Variants in KAZN observed in about 807,000 individuals in gnomAD.
The protein encoded by KAZN is kazrin, periplakin interacting protein.
KAZN carries 40 observed loss-of-function variants against 87.4 expected under a neutral mutation model. That is an observed-to-expected ratio of 0.46 (90% confidence interval 0.36 to 0.60). KAZN has a LOEUF of 0.60. Among genes scored for constraint, KAZN ranks in the 20% least tolerant of loss-of-function variants. The probability of loss-of-function intolerance (pLI) is 0.00; values close to 1 mark genes in which losing one functional copy is unlikely to be tolerated. For synonymous variants in KAZN, 466 were observed against 458.3 expected (o/e 1.02, Z -0.22); for missense variants, 898 against 1,073.9 (o/e 0.84, Z 2.29).
At position 14,973,918 on chromosome 1, in the gene KAZN, C is replaced by G. The variant is rs574812888; in HGVS notation, c.418+13043C>G. Among the ~76,000 whole-genome samples the G allele has an allele frequency of 2.0e-5, 3 of 152,174 alleles. 1 individual carries two copies. The Middle Eastern group carries it at 0.01, about 518-fold the overall frequency. On this transcript the variant is annotated intron_variant, in intron 2 of 14. Transcript: ENST00000376030. ...CATAAAGCAACCACCGTTTTTCTTA[C>G]ATCTCATGATCTTGTGAATCAGGGA...
At chr1:14,234,099 CGT>C (rs1648139769) in intron 2 of KAZN, among the ~76,000 whole-genome samples, 1 of 152,078 alleles carries the variant, frequency 6.6e-6, no homozygotes, top group African/African-American at 2.4e-5. Context: ...CACATGCACA[CGT>C]ATGTTTATTG....
At chr1:13,949,012 T>C (rs775615680) in intron 1 of KAZN, among the ~76,000 whole-genome samples, 2 of 152,172 alleles carry the variant, frequency 1.3e-5, no homozygotes, top group African/African-American at 2.4e-5. Flanking sequence ...GCATCCAGCA[T>C]GTACTCTGTG....
intron 1 of KAZN, among the ~76,000 whole-genome samples, chr1:14,615,075 A>G (rs1678121783): frequency 2.0e-5 from 3 of 152,344 alleles, no homozygotes; most frequent in East Asian, 1.9e-4. Context: ...TCGTTAACAA[A>G]TGTTCACAAG....
intron 2 of KAZN, among the ~76,000 whole-genome samples, chr1:14,966,622 C>T (rs917774459): frequency 2.0e-5 from 3 of 152,168 alleles, no homozygotes; most frequent in East Asian, 1.9e-4. Context: ...TACTCTGCTA[C>T]GTTAAAATCC....
intron 1 of KAZN, among the ~76,000 whole-genome samples, chr1:13,980,714 G>A (rs974582561): frequency 6.6e-6 from 1 of 152,096 alleles, no homozygotes; most frequent in Non-Finnish European, 1.5e-5. Flanking sequence ...GATACACCAA[G>A]CAGACAAAAT....
In KAZN at chr1:14,543,235, A is replaced by G. The variant is rs555976283; in HGVS notation, c.250-55748A>G. On this transcript the variant is annotated intron_variant, in intron 2 of 16. Coordinates refer to the KAZN transcript ENST00000636203. Reference sequence around the variant, plus strand: ...ACATCCTAGGGGCAGTGGCACGAACATAAGTGTTCAAGATACGTGGTTGGC... The same window carrying G: ...ACATCCTAGGGGCAGTGGCACGAACGTAAGTGTTCAAGATACGTGGTTGGC... 2.7e-4 allele frequency among the ~76,000 whole-genome samples: 41 copies of G among 152,336 alleles called. 1 individual carries two copies. In the South Asian group the frequency reaches 7.7e-3, roughly 28 times the overall value.
At chr1:15,068,623 A>G (rs1639370980) in intron 8 of KAZN, among the ~76,000 whole-genome samples, 1 of 152,000 alleles carries the variant, frequency 6.6e-6, no homozygotes, top group Non-Finnish European at 1.5e-5. Context: ...AGGGAGCCAC[A>G]GGCTTCCTTG....
At chr1:15,057,149 A>G (rs1638359280) in intron 5 of KAZN, among the ~76,000 whole-genome samples, 1 of 152,118 alleles carries the variant, frequency 6.6e-6, no homozygotes, top group African/African-American at 2.4e-5. Context: ...AAGGGTACAG[A>G]TGGGGGAGTG....
At position 14,651,683 on chromosome 1, in the gene KAZN, A is replaced by T. The variant is rs78356136; in HGVS notation, c.226+52460A>T. Among the ~76,000 whole-genome samples the T allele has an allele frequency of 1.4e-4, 21 of 152,330 alleles. No individual in the cohort carries two copies. The East Asian group carries it at 3.9e-3, about 28-fold the overall frequency. On this transcript the variant is annotated intron_variant, in intron 1 of 14. Coordinates refer to ENST00000376030, the MANE Select transcript of KAZN (RefSeq NM_201628.3). ...ACTGGATTTATTTTCCAAAATTTTG[A>T]CTGGGGCTTTTTTCCCCCCACGAGA...
rs1427499649 is a variant in KAZN at position 14,637,466 on chromosome 1, A to C, written c.226+38243A>C. On this transcript the variant is annotated intron_variant, in intron 1 of 14. Transcript: ENST00000376030. Reference sequence around the variant, plus strand: ...GTCACATGACTTGCCAAGGGCACACAGTGGAGAAGGGTGGGGACAAAGGTG... The same window carrying C: ...GTCACATGACTTGCCAAGGGCACACCGTGGAGAAGGGTGGGGACAAAGGTG... Among the ~76,000 whole-genome samples, 3 of 152,318 alleles carry C rather than the reference A, an allele frequency of 2.0e-5. No homozygotes were observed. The East Asian group carries it at 5.8e-4, about 29-fold the overall frequency.
chr1:14,746,711 A>C (rs577616596), intron 1 of KAZN, among the ~76,000 whole-genome samples: 7 of 152,188 alleles, frequency 4.6e-5, no homozygotes, highest in African/African-American at 1.7e-4. Context: ...TGAGTGTCAA[A>C]ATATGGGGTG....
intron 2 of KAZN, among the ~76,000 whole-genome samples, chr1:14,353,773 C>T (rs1171249839): frequency 2.0e-5 from 3 of 152,042 alleles, no homozygotes; most frequent in Admixed American, 2.0e-4. Flanking sequence ...ATATTGATGA[C>T]AGAAATGAAA....
chr1:14,404,006 G>A (rs945520070), intron 2 of KAZN, among the ~76,000 whole-genome samples: 2 of 152,136 alleles, frequency 1.3e-5, no homozygotes, highest in African/African-American at 4.8e-5. Context: ...GGAACTTGAG[G>A]GGGTGGTGTC....
At chr1:14,232,636 A>C (rs1647973297) in intron 2 of KAZN, among the ~76,000 whole-genome samples, 1 of 152,166 alleles carries the variant, frequency 6.6e-6, no homozygotes, top group Non-Finnish European at 1.5e-5. Flanking sequence ...ACTGCATAAA[A>C]CTAAAGCATT....
intron 2 of KAZN, among the ~76,000 whole-genome samples, chr1:15,032,333 C>T (rs1178296035): frequency 6.6e-6 from 1 of 151,534 alleles, no homozygotes; most frequent in Non-Finnish European, 1.5e-5. Context: ...GCTGGGACTA[C>T]AGGCACCTGC....
At chr1:14,350,942 C>T (rs1049004928) in intron 2 of KAZN, 3 of 152,434 alleles carry the variant, frequency 2.0e-5, no homozygotes, top group African/African-American at 7.2e-5. Flanking sequence ...CACATTGAAA[C>T]ATGCCTTTCA....
chr1:14,705,122 T>C (rs567194349), intron 1 of KAZN, among the ~76,000 whole-genome samples: 69 of 152,340 alleles, frequency 4.5e-4, no homozygotes, highest in African/African-American at 1.5e-3. Context: ...TTTCTCTGTA[T>C]GCCTCTCTCC....
At chr1:15,073,362 G>A (rs760205007) in intron 8 of KAZN, among the ~76,000 whole-genome samples, 13 of 152,210 alleles carry the variant, frequency 8.5e-5, no homozygotes, top group African/African-American at 2.7e-4. Context: ...GGGCTCAGTC[G>A]CAGGAGGTCA....
At chr1:13,945,706 T>TGAGAGAGAGA (rs1422921953) in intron 1 of KAZN, among the ~76,000 whole-genome samples, 27 of 140,838 alleles carry the variant, frequency 1.9e-4, no homozygotes, top group African/African-American at 6.8e-4. Context: ...TGTGTGTGTG[T>TGAGAGAGAGA]GTGTGAGAGA....
Sources: gnomAD v4.1 joint callset for allele counts (sites outside exome capture counted in the v4.1 genomes callset) on GRCh38, gnomAD v4.1.1 for gene constraint, MANE v1.5 for transcripts, NCBI Gene and HGNC (gene_info 2026-07-23, HGNC 2026-07-21) for gene names.